SH2D4B: variants seen among roughly 807,000 people sequenced by gnomAD.
SH2D4B encodes the protein SH2 domain containing 4B, also known as SH2 domain-containing protein 4B.
A neutral mutation model predicts 61.5 loss-of-function variants in SH2D4B; 45 were observed. That is an observed-to-expected ratio of 0.73 (90% CI 0.58 to 0.94). The LOEUF is 0.94. Ranked by LOEUF, SH2D4B falls within the 40% of genes least tolerant of loss-of-function variation. The pLI is 0.00. For missense variants in SH2D4B, 572 were observed against 574.2 expected (o/e 1.00, Z 0.04); for synonymous variants, 224 against 220.4 (o/e 1.02, Z -0.14).
intron 1 of SH2D4B, among the ~76,000 whole-genome samples, chr10:80,547,311 G>A (rs558477199): frequency 6.6e-6 from 1 of 152,330 alleles, no homozygotes; most frequent in South Asian, 2.1e-4. Context: ...TAGTCTTGCT[G>A]TCATAATATG....
chr10:80,582,507 C>T (rs961650466), intron 3 of SH2D4B, among the ~76,000 whole-genome samples: 7 of 152,186 alleles, frequency 4.6e-5, no homozygotes, highest in African/African-American at 1.7e-4. Context: ...GACCCCCGCA[C>T]TGGGGCCCAG....
intron 1 of SH2D4B, among the ~76,000 whole-genome samples, chr10:80,556,851 A>G (rs1418169100): frequency 2.0e-5 from 3 of 152,094 alleles, no homozygotes; most frequent in African/African-American, 7.2e-5. Context: ...GCAAATGGAG[A>G]CAAATTAAGT....
intron 1 of SH2D4B, among the ~76,000 whole-genome samples, chr10:80,559,897 C>T (rs776333764): frequency 6.6e-6 from 1 of 151,854 alleles, no homozygotes; most frequent in African/African-American, 2.4e-5. Context: ...TTTGCCCCCC[C>T]AGAGTGGTTC....
chr10:80,585,186 T>C (rs1469972420), intron 3 of SH2D4B, among the ~76,000 whole-genome samples: 1 of 152,222 alleles, frequency 6.6e-6, no homozygotes, highest in Non-Finnish European at 1.5e-5. Context: ...TCTGAGACTT[T>C]ATCCAGACTT....
chr10:80,641,061 T>C (rs1326187647), intron 7 of SH2D4B, among the ~76,000 whole-genome samples: 1 of 152,206 alleles, frequency 6.6e-6, no homozygotes, highest in Non-Finnish European at 1.5e-5. Flanking sequence ...CAGCTGCAGG[T>C]CTGTTGGAGT....
chr10:80,623,276 T>C (rs911829033), intron 6 of SH2D4B, among the ~76,000 whole-genome samples: 1 of 152,168 alleles, frequency 6.6e-6, no homozygotes, highest in Non-Finnish European at 1.5e-5. Context: ...GGCTGGGAAG[T>C]CGAAGATCAA....
chr10:80,635,374 G>A lies in SH2D4B; in HGVS notation c.1209+869G>A, dbSNP rs901555133. On this transcript the variant is annotated intron_variant, in intron 7 of 7. Transcript: ENST00000646907. ...GGGGCAGAGTGGTGGTAGCTCCGGC[G>A]TCCGACATCTAACCAAGCTTTGTGG... Among the ~76,000 whole-genome samples the A allele has an allele frequency of 4.6e-5, 7 of 152,180 alleles. 1 individual carries two copies. The highest frequency in any genetic ancestry group is 3.8e-4 in the East Asian group (2 of 5,196).
intron 7 of SH2D4B, among the ~76,000 whole-genome samples, chr10:80,640,502 T>C (rs1840272430): frequency 6.6e-6 from 1 of 152,180 alleles, no homozygotes; most frequent in Admixed American, 6.5e-5. Flanking sequence ...TACTCTTTTT[T>C]CTCTAAATTT....
rs61401607 is a variant in SH2D4B, at chr10:80,572,986, A to ATTT, written c.495+1436_495+1438dup. On this transcript the variant is annotated intron_variant, in intron 3 of 7. Coordinates refer to ENST00000646907, the MANE Select transcript of SH2D4B (RefSeq NM_001388272.1). ...TATATATATATATATATATATATAT[A>ATTT]TTTTTTTTTTTTTTTTTTTTTTTTT... 3.2e-3 allele frequency among the ~76,000 whole-genome samples: 28 copies of ATTT among 8,874 alleles called. 3 individuals carry two copies. The highest frequency in any genetic ancestry group is 6.9e-3 in the South Asian group (1 of 144). The allele number at this position is 8,874 out of a possible 152,430, so 5.8% of individuals were successfully genotyped here.
intron 1 of SH2D4B, among the ~76,000 whole-genome samples, chr10:80,555,553 G>A (rs1474269179): frequency 6.6e-6 from 1 of 152,182 alleles, no homozygotes. Context: ...CATTCAGTGG[G>A]AGTCTGATTG....
At chr10:80,584,300 AGAT>A (rs1266876930) in intron 3 of SH2D4B, among the ~76,000 whole-genome samples, 5 of 152,244 alleles carry the variant, frequency 3.3e-5, no homozygotes, top group Non-Finnish European at 7.3e-5. Context: ...TAACCAGTGC[AGAT>A]GGGAGAAGAA....
At chr10:80,617,815 C>G (rs1176476794) in intron 6 of SH2D4B, among the ~76,000 whole-genome samples, 1 of 152,198 alleles carries the variant, frequency 6.6e-6, no homozygotes, top group African/African-American at 2.4e-5. Context: ...ATGCATCAGC[C>G]TGAGGTTGCA....
intron 3 of SH2D4B, among the ~76,000 whole-genome samples, chr10:80,577,593 A>AT (rs1338688212): frequency 2.2e-4 from 33 of 150,718 alleles, no homozygotes; most frequent in African/African-American, 6.1e-4. Flanking sequence ...CGCCCGGCTA[A>AT]TTTTTTGTAT....
In SH2D4B at chr10:80,587,129, CGTTTTTTTTTTTTTTTGTTTT is replaced by C. The variant is rs1165964158; in HGVS notation, c.496-1484_496-1464del. ...ACCAAGAACCCACCAATTCCGGCCA[CGTTTTTTTTTTTTTTTGTTTT>C]GTTTTTTTTTTTTTTTTTGGAGACG... On this transcript the variant is annotated intron_variant, in intron 3 of 7. Transcript: ENST00000646907. Among the ~76,000 whole-genome samples, 394 of 119,656 alleles carry C rather than the reference CGTTTTTTTTTTTTTTTGTTTT, an allele frequency of 3.3e-3. 8 individuals carry two copies. The highest frequency in any genetic ancestry group is 0.012 in the African/African-American group (354 of 29,584). 78.5% of individuals were successfully genotyped at this position (119,656 alleles called of 152,430 possible). A position where few individuals can be genotyped will look rare whatever the true frequency, so the allele number is the denominator to read the frequency against.
At chr10:80,562,894 C>CTTTTTTTTTTTTTTTTTTTT (rs34539206) in intron 1 of SH2D4B, among the ~76,000 whole-genome samples, 5 of 74,696 alleles carry the variant, frequency 6.7e-5, no homozygotes, top group Non-Finnish European at 1.2e-4. Flanking sequence ...AACATTTTTT[C>CTTTTTTTTTTTTTTTTTTTT]TTTTTTTTTT....
At chr10:80,563,144 G>A (rs1261195952) in intron 1 of SH2D4B, among the ~76,000 whole-genome samples, 2 of 151,964 alleles carry the variant, frequency 1.3e-5, no homozygotes, top group African/African-American at 4.8e-5. Flanking sequence ...CTTGTGATCT[G>A]CCCGCTTCGG....
intron 3 of SH2D4B, among the ~76,000 whole-genome samples, chr10:80,587,130 G>GGT (rs1842264295): frequency 1.5e-5 from 1 of 67,242 alleles, no homozygotes; most frequent in Non-Finnish European, 2.5e-5. Flanking sequence ...TTCCGGCCAC[G>GGT]TTTTTTTTTT....
chr10:80,555,965 C>A (rs192903158), intron 1 of SH2D4B, among the ~76,000 whole-genome samples: 338 of 152,268 alleles, frequency 2.2e-3, no homozygotes, highest in South Asian at 7.5e-3. Context: ...GTGAAGGAAA[C>A]CCAGGTAAGA....
At chr10:80,554,436 A>C (rs1237904370) in intron 1 of SH2D4B, among the ~76,000 whole-genome samples, 1 of 151,392 alleles carries the variant, frequency 6.6e-6, no homozygotes, top group East Asian at 1.9e-4. Context: ...AATTGGATGT[A>C]CGTGTGTGTG....
Sources: allele counts gnomAD v4.1 joint callset (sites outside exome capture counted in the v4.1 genomes callset), GRCh38; gene constraint gnomAD v4.1.1; transcripts MANE v1.5; gene names NCBI Gene and HGNC (gene_info 2026-07-23, HGNC 2026-07-21).